GLIS3: variants seen among roughly 807,000 people sequenced by gnomAD.
GLIS3 encodes the protein GLIS family zinc finger 3, also known as zinc finger protein GLIS3.
A neutral mutation model predicts 78.6 loss-of-function variants in GLIS3; 53 were observed. That is an observed-to-expected ratio of 0.67 (90% CI 0.54 to 0.85). The LOEUF is 0.85. Ranked by LOEUF, GLIS3 falls within the 40% of genes least tolerant of loss-of-function variation. The pLI, the probability that GLIS3 is intolerant of heterozygous loss-of-function variation, is 0.00. For synonymous variants in GLIS3, 684 were observed against 509.9 expected (o/e 1.34, Z -4.60); for missense variants, 1,703 against 1,231.1 (o/e 1.38, Z -5.74).
At chr9:3,926,602 T>C (rs145529936) in intron 6 of GLIS3, among the ~76,000 whole-genome samples, 1 of 151,758 alleles carries the variant, frequency 6.6e-6, no homozygotes, top group East Asian at 1.9e-4. Context: ...CTTTTCTTTC[T>C]CTCTCCTTCC....
At chr9:3,989,016 G>A (rs920607074) in intron 4 of GLIS3, among the ~76,000 whole-genome samples, 1 of 151,972 alleles carries the variant, frequency 6.6e-6, no homozygotes, top group Non-Finnish European at 1.5e-5. Flanking sequence ...TCCAACTAAC[G>A]ACCAGTAAAT....
chr9:4,339,135 A>G (rs1158431453), intron 2 of GLIS3, among the ~76,000 whole-genome samples: 1 of 152,214 alleles, frequency 6.6e-6, no homozygotes, highest in South Asian at 2.1e-4. Context: ...CACCTCAGTC[A>G]TGATTTAGTG....
At chr9:4,359,045 A>T in the GLIS3 span, among the ~76,000 whole-genome samples, 1 of 152,128 alleles carries the variant, frequency 6.6e-6, no homozygotes, top group Non-Finnish European at 1.5e-5. Flanking sequence ...AGACTTGCAA[A>T]GTTTCCTGAA....
At chr9:4,004,296 G>C (rs759585633) in intron 4 of GLIS3, among the ~76,000 whole-genome samples, 1 of 152,192 alleles carries the variant, frequency 6.6e-6, no homozygotes, top group South Asian at 2.1e-4. Context: ...TTGATATTTG[G>C]TAGGTCAATA....
intron 2 of GLIS3, among the ~76,000 whole-genome samples, chr9:4,233,809 C>G (rs558713688): frequency 2.0e-5 from 3 of 152,326 alleles, no homozygotes; most frequent in African/African-American, 7.2e-5. Flanking sequence ...GCTGTTTTAT[C>G]TACATTGAAA....
intron 7 of GLIS3, among the ~76,000 whole-genome samples, chr9:3,890,021 ATT>A (rs1822328565): frequency 6.6e-6 from 1 of 152,316 alleles, no homozygotes; most frequent in African/African-American, 2.4e-5. Flanking sequence ...CTGAGAGTAT[ATT>A]TTGAGATAAA....
In GLIS3 at chr9:4,005,551, G is replaced by A. The variant is rs140723867; in HGVS notation, c.1711-68362C>T. 4.9e-4 allele frequency among the ~76,000 whole-genome samples: 74 copies of A among 152,304 alleles called. 1 individual carries two copies. Among genetic ancestry groups the A allele is most frequent in the African/African-American group, 1.7e-3 (70 of 41,548 alleles). On this transcript the variant is annotated intron_variant, in intron 4 of 10. Transcript: ENST00000381971. ...TTGGCCTACTGGACCTCTAGTCTCA[G>A]TTTGATCATCAATAAAGTGGGGATA...
intron 4 of GLIS3, among the ~76,000 whole-genome samples, chr9:4,075,664 T>C (rs962255039): frequency 5.9e-5 from 9 of 151,562 alleles, no homozygotes; most frequent in African/African-American, 2.0e-4. Flanking sequence ...TTTAGGATAT[T>C]TGCAAAAGAT....
intron 2 of GLIS3, among the ~76,000 whole-genome samples, chr9:4,230,609 G>C (rs1461974701): frequency 6.6e-6 from 1 of 152,158 alleles, no homozygotes; most frequent in African/African-American, 2.4e-5. Flanking sequence ...CGATGCATCT[G>C]TGATACTGCC....
At chr9:4,134,502 G>T in intron 2 of GLIS3, among the ~76,000 whole-genome samples, 1 of 152,130 alleles carries the variant, frequency 6.6e-6, no homozygotes, top group Non-Finnish European at 1.5e-5. Context: ...CTTAGCCTTA[G>T]TTTCTTCCAT....
intron 2 of GLIS3, among the ~76,000 whole-genome samples, chr9:4,273,268 A>C (rs1469715508): frequency 6.6e-6 from 1 of 152,116 alleles, no homozygotes; most frequent in Non-Finnish European, 1.5e-5. Context: ...AGGAATGACA[A>C]CACTTTACCT....
At chr9:4,297,384 T>A (rs1266000515) in intron 1 of GLIS3, among the ~76,000 whole-genome samples, 1 of 152,180 alleles carries the variant, frequency 6.6e-6, no homozygotes, top group Non-Finnish European at 1.5e-5. Context: ...GGGCTCGGTT[T>A]CCTCATCAGG....
the GLIS3 span, among the ~76,000 whole-genome samples, chr9:4,481,177 A>C: frequency 6.6e-6 from 1 of 151,928 alleles, no homozygotes; most frequent in Non-Finnish European, 1.5e-5. Context: ...TTTATAACTT[A>C]CTTTTGCATT....
In GLIS3 at chr9:4,267,945, C is replaced by CGTGTG. The variant is rs1826164708; in HGVS notation, c.388+18092_388+18093insCACAC. Among the ~76,000 whole-genome samples the CGTGTG allele has an allele frequency of 4.9e-5, 6 of 122,762 alleles. No individual in the cohort carries two copies. The South Asian group carries it at 1.4e-3, about 28-fold the overall frequency. The allele number at this position is 122,762 out of a possible 152,430, so 80.5% of individuals were successfully genotyped here. ...AGTAAAAAACAGATTATAAAAATAC[C>CGTGTG]TGTGTGTGTGTGTGTGTGTGTGTGT... On this transcript the variant is annotated intron_variant, in intron 2 of 10. Transcript: ENST00000381971.
At chr9:4,275,684 G>C (rs1048861879) in intron 2 of GLIS3, among the ~76,000 whole-genome samples, 1 of 151,864 alleles carries the variant, frequency 6.6e-6, no homozygotes, top group Non-Finnish European at 1.5e-5. Flanking sequence ...GATCACTTGA[G>C]CCCAGCAGTT....
intron 4 of GLIS3, among the ~76,000 whole-genome samples, chr9:4,050,258 T>C (rs912213150): frequency 3.9e-5 from 6 of 152,208 alleles, no homozygotes; most frequent in South Asian, 2.1e-4. Flanking sequence ...CATGGAATAC[T>C]ATGCAGCCAC....
rs1472376809 is a variant in GLIS3 at position 3,912,006 on chromosome 9, C to T, written c.1984-13171G>A. Among the ~76,000 whole-genome samples, 5 of 152,072 alleles carry T rather than the reference C, an allele frequency of 3.3e-5. No homozygotes were observed. In the East Asian group the frequency reaches 7.7e-4, roughly 23 times the overall value. The stretch of plus-strand genomic sequence containing the variant: ...GGCAAGAGGAAAAGGATGGAGACTT[C>T]GGGGTCAAATAGATACAGGTTCATA... On this transcript the variant is annotated intron_variant, in intron 6 of 10. Coordinates refer to ENST00000381971, the MANE Select transcript of GLIS3 (RefSeq NM_001042413.2).
the GLIS3 span, among the ~76,000 whole-genome samples, chr9:4,406,475 C>A: frequency 1.3e-5 from 2 of 152,150 alleles, no homozygotes; most frequent in Non-Finnish European, 2.9e-5. Flanking sequence ...CACCCACCAC[C>A]AGGCCTGGCT....
chr9:4,419,467 G>C, the GLIS3 span, among the ~76,000 whole-genome samples: 1 of 152,168 alleles, frequency 6.6e-6, no homozygotes, highest in East Asian at 1.9e-4. Context: ...GAGCAAGAGA[G>C]AGGGAAGGGA....
Sources: allele counts gnomAD v4.1 joint callset (sites outside exome capture counted in the v4.1 genomes callset), GRCh38; gene constraint gnomAD v4.1.1; transcripts MANE v1.5; gene names NCBI Gene and HGNC (gene_info 2026-07-23, HGNC 2026-07-21).